ZNF688: variants seen among roughly 807,000 people sequenced by gnomAD.
The protein encoded by ZNF688 is zinc finger protein 688.
ZNF688 carries 10 observed loss-of-function variants against 13.2 expected under a neutral mutation model. That is an observed-to-expected ratio of 0.76 (90% confidence interval 0.47 to 1.28). ZNF688 has a LOEUF of 1.28. ZNF688 is among the 50% of genes most tolerant of loss of function. The pLI, the probability that ZNF688 is intolerant of heterozygous loss-of-function variation, is 0.00. For missense variants in ZNF688, 381 were observed against 391.4 expected (o/e 0.97, Z 0.22); for synonymous variants, 160 against 159.4 (o/e 1.00, Z -0.03).
At chr16:30,576,637 G>A (rs2051750490), upstream of ZNF688, among the ~76,000 whole-genome samples, 1 of 152,100 alleles carries the variant, frequency 6.6e-6, no homozygotes. Flanking sequence ...ATAGGCGTGA[G>A]CCACCAGGCC....
chr16:30,578,157 C>T, the ZNF688 span, among the ~76,000 whole-genome samples: 2 of 152,042 alleles, frequency 1.3e-5, no homozygotes, highest in Non-Finnish European at 2.9e-5. Context: ...TGGGCAAAAC[C>T]CCATCTGTAC....
chr16:30,573,343 C>T (rs527540510), upstream of ZNF688, among the ~76,000 whole-genome samples: 18 of 152,170 alleles, frequency 1.2e-4, no homozygotes, highest in Middle Eastern at 3.4e-3. Flanking sequence ...GGCCTCAGTT[C>T]TTCTCATACC....
At chr16:30,579,796 T>C in the ZNF688 span, 1 of 456,062 alleles carries the variant, frequency 2.2e-6, no homozygotes, top group Non-Finnish European at 4.4e-6. Context: ...CCCACCTACC[T>C]CTTTTGTTCA....
rs2051670049 is a variant in ZNF688, at chr16:30,571,038, C to G, written c.282G>C (p.Lys94Asn). 1.2e-6 allele frequency: 2 copies of G among 1,613,038 alleles called. No individual in the cohort carries two copies. Among genetic ancestry groups the G allele is most frequent in the South Asian group, 1.1e-5 (1 of 91,020 alleles). ...AWSPAAQDPEKGERLGGARRG... is the reference protein window; with the variant it reads ...AWSPAAQDPENGERLGGARRG... ...TCCGAGCTCCTCCCAGTCTTTCCCC[C>G]TTCTCAGGATCCTGGGCGGCGGGGC... is the stretch of plus-strand genomic sequence containing the variant. The change falls in exon 2 of 3, where the codon AAG becomes AAC. Residue 94 changes from lysine to asparagine, a missense_variant. By Grantham distance (94) the Lys-to-Asn change is moderately conservative. Coordinates refer to ENST00000223459, the MANE Select transcript of ZNF688 (RefSeq NM_145271.4).
At chr16:30,576,387 T>G (rs1251797014), upstream of ZNF688, among the ~76,000 whole-genome samples, 1 of 152,234 alleles carries the variant, frequency 6.6e-6, no homozygotes, top group African/African-American at 2.4e-5. Context: ...ATTTTTTGTA[T>G]TTTTAGAAGA....
intron 1 of ZNF688, 54 bp downstream of exon 1, chr16:30,571,380 A>G: frequency 1.9e-6 from 3 of 1,540,716 alleles, no homozygotes; most frequent in Non-Finnish European, 1.7e-6. Flanking sequence ...CTTCTACATC[A>G]TCTCCCCTGT....
At chr16:30,572,485 C>A (rs1355109942), upstream of ZNF688, 2 of 443,854 alleles carry the variant, frequency 4.5e-6, no homozygotes, top group Non-Finnish European at 7.7e-6. Context: ...CGCTCAGGCT[C>A]TAGACCGAAG....
At chr16:30,579,227 T>C in the ZNF688 span, 1 of 152,886 alleles carries the variant, frequency 6.5e-6, no homozygotes, top group African/African-American at 2.4e-5. Context: ...GATAGGCAGA[T>C]TGACATGTGT....
upstream of ZNF688, chr16:30,573,922 CT>C: frequency 6.0e-6 from 2 of 333,174 alleles, no homozygotes; most frequent in Non-Finnish European, 1.2e-5. Flanking sequence ...AAAATATATC[CT>C]TAGAAATGAG....
At chr16:30,571,810 A>G (rs1597140294), upstream of ZNF688, 1 of 1,315,426 alleles carries the variant, frequency 7.6e-7, no homozygotes, top group Non-Finnish European at 9.6e-7. Flanking sequence ...TCTGATAGGG[A>G]CAAATATAAT....
At chr16:30,572,203 C>T (rs2051697968), upstream of ZNF688, 12 of 1,605,156 alleles carry the variant, frequency 7.5e-6, no homozygotes, top group Non-Finnish European at 1.0e-5. Context: ...CTGGGACTGG[C>T]GGGGCATTTG....
Position 30,570,424 on chromosome 16 carries a change from T to C in ZNF688, c.323A>G (p.Asn108Ser). 1 of 1,610,742 alleles carries C rather than the reference T, an allele frequency of 6.2e-7. No homozygotes were observed. The highest frequency in any genetic ancestry group is 8.5e-7 in the Non-Finnish European group (1 of 1,178,544). Residue 108 changes from asparagine to serine, a missense_variant, in exon 3 of 3, where the codon AAC (asparagine) becomes AGC (serine). Physicochemically the swap from Asn to Ser is conservative, Grantham distance 46 (BLOSUM62 1). Coordinates refer to ENST00000223459, the MANE Select transcript of ZNF688 (RefSeq NM_145271.4). ...TTCCTCCGGTTCCTCTTCCTTCCTGTTTGGGACATCTCCTGGGAAACCGGA... is the reference window on the plus strand; with the variant it reads ...TTCCTCCGGTTCCTCTTCCTTCCTGCTTGGGACATCTCCTGGGAAACCGGA... ...LGGARRGDVP[N>S]RKEEEPEEVP...
Position 30,570,455 on chromosome 16 carries a change from G to A in ZNF688, c.311-19C>T. The stretch of plus-strand genomic sequence containing the variant: ...ACATCTCCTGGGAAACCGGAATTAA[G>A]TTACACTTACAAACACTTTTGCACA... On this transcript the variant is annotated intron_variant, in intron 2 of 2. Transcript: ENST00000223459. 1 of 1,600,922 alleles carries A rather than the reference G, an allele frequency of 6.2e-7. No individual in the cohort carries two copies. The highest frequency in any genetic ancestry group is 8.5e-7 in the Non-Finnish European group (1 of 1,175,412).
At chr16:30,573,761 C>A, upstream of ZNF688, 1 of 210,094 alleles carries the variant, frequency 4.8e-6, no homozygotes, top group Non-Finnish European at 9.8e-6. Context: ...TTTAGTGTGA[C>A]TCCTGCTGAT....
chr16:30,572,933 G>C (rs374235639), upstream of ZNF688, among the ~76,000 whole-genome samples: 3 of 151,728 alleles, frequency 2.0e-5, no homozygotes, highest in Non-Finnish European at 4.4e-5. Flanking sequence ...GTGCAATGGC[G>C]CTATCTCGGC....
rs765026476 is a variant in ZNF688, at chr16:30,571,495, G to C, written c.135C>G (p.Pro45=). 1.9e-6 allele frequency: 3 copies of C among 1,590,660 alleles called. No homozygotes were observed. Among genetic ancestry groups the C allele is most frequent in the Non-Finnish European group, 2.6e-6 (3 of 1,169,670 alleles). ...CGTCCCGGTACAGAGCCCTCTGCGCGGGCCGCAGACAGCCCCACTCCTCCG... is the reference window on the plus strand; with the variant it reads ...CGTCCCGGTACAGAGCCCTCTGCGCCGGCCGCAGACAGCCCCACTCCTCCG... The part of the protein sequence containing the change: ...FSPEEWGCLR[P]AQRALYRDVM... Residue 45 remains proline, a synonymous_variant, in exon 1 of 3, where the codon CCC becomes CCG. Coordinates refer to ENST00000223459, the MANE Select transcript of ZNF688 (RefSeq NM_145271.4).
chr16:30,570,826 C>A, intron 2 of ZNF688, 184 bp downstream of exon 2: 1 of 670,558 alleles, frequency 1.5e-6, no homozygotes, highest in South Asian at 1.7e-5. Context: ...ACTGGGCTCC[C>A]AGTCCTCACA....
At chr16:30,571,396 C>T (rs1300570965) in intron 1 of ZNF688, 38 bp downstream of exon 1, 1 of 1,545,276 alleles carries the variant, frequency 6.5e-7, no homozygotes, top group Non-Finnish European at 8.7e-7. Flanking sequence ...CCTGTGAACC[C>T]GGTGAAGGAG....
chr16:30,579,370 C>A, the ZNF688 span: 8 of 163,468 alleles, frequency 4.9e-5, no homozygotes, highest in Non-Finnish European at 1.1e-4. Flanking sequence ...GTAAAGATAA[C>A]ACCCCGTTCC....
Sources: gnomAD v4.1 joint callset for allele counts (sites outside exome capture counted in the v4.1 genomes callset) on GRCh38, gnomAD v4.1.1 for gene constraint, MANE v1.5 for transcripts, NCBI Gene and HGNC (gene_info 2026-07-23, HGNC 2026-07-21) for gene names.